Variants in SPECC1 observed in about 807,000 individuals in gnomAD.
SPECC1 encodes cytospin-B.
Under a neutral mutation model 104.1 loss-of-function variants are expected in SPECC1, and 62 were observed. The ratio of observed to expected loss-of-function variants is 0.60; its 90% confidence interval spans 0.49 to 0.74. SPECC1 has a LOEUF of 0.74. Among genes scored for constraint, SPECC1 ranks in the 30% least tolerant of loss-of-function variants. The pLI, the probability that SPECC1 is intolerant of heterozygous loss-of-function variation, is 0.00. For missense variants in SPECC1, 1,306 were observed against 1,310.5 expected, an observed-to-expected ratio of 1.00 and a Z score of 0.05; for synonymous variants, 513 against 501.6, an observed-to-expected ratio of 1.02 and a Z score of -0.30.
At chr17:20,276,260 G>A (rs922742805) in intron 12 of SPECC1, among the ~76,000 whole-genome samples, 1 of 151,918 alleles carries the variant, frequency 6.6e-6, no homozygotes, top group African/African-American at 2.4e-5. Flanking sequence ...GGGTCTACAG[G>A]TACATGACAC....
chr17:20,014,395 T>C (rs1294038399), intron 1 of SPECC1, among the ~76,000 whole-genome samples: 1 of 152,250 alleles, frequency 6.6e-6, no homozygotes, highest in Non-Finnish European at 1.5e-5. Context: ...TTAGGTAAAC[T>C]GTAAATTTTT....
At chr17:20,230,958 T>C (rs2038535967) in intron 5 of SPECC1, among the ~76,000 whole-genome samples, 1 of 152,220 alleles carries the variant, frequency 6.6e-6, no homozygotes, top group Non-Finnish European at 1.5e-5. Context: ...TTTAGCCTAC[T>C]CTGGTGATTC....
intron 12 of SPECC1, among the ~76,000 whole-genome samples, chr17:20,260,872 G>A (rs1343785979): frequency 3.3e-5 from 5 of 152,128 alleles, no homozygotes; most frequent in Admixed American, 3.3e-4. Context: ...GGCGACGGTT[G>A]TCTTGAGTCA....
intron 1 of SPECC1, among the ~76,000 whole-genome samples, chr17:20,026,687 G>A (rs1275784902): frequency 6.6e-6 from 1 of 152,072 alleles, no homozygotes; most frequent in East Asian, 1.9e-4. Flanking sequence ...TTCATCTGTT[G>A]ATGCACATTT....
In SPECC1 at chr17:20,302,285, A is replaced by G. The variant is rs538254888; in HGVS notation, c.3058-3738A>G. 2.7e-4 allele frequency among the ~76,000 whole-genome samples: 41 copies of G among 152,306 alleles called. No individual in the cohort carries two copies. The East Asian group carries it at 8.0e-3, about 30-fold the overall frequency. On this transcript the variant is annotated intron_variant, in intron 13 of 14. Coordinates refer to ENST00000395527, the MANE Select transcript of SPECC1 (RefSeq NM_001243439.2). ...GCACTTAGGCTGTCCTGGAACTGGA[A>G]GGTCCCAGGCCTGCACCATCATCCC... is the stretch of plus-strand genomic sequence containing the variant.
At chr17:20,208,278 AG>A (rs1342919629) in intron 4 of SPECC1, among the ~76,000 whole-genome samples, 1 of 152,216 alleles carries the variant, frequency 6.6e-6, no homozygotes, top group East Asian at 1.9e-4. Flanking sequence ...GCTATCACAT[AG>A]GGTTTCTTGT....
intron 1 of SPECC1, among the ~76,000 whole-genome samples, chr17:20,023,297 A>G (rs2044467160): frequency 6.6e-6 from 1 of 152,136 alleles, no homozygotes; most frequent in South Asian, 2.1e-4. Context: ...CTTAAGACTT[A>G]ATTTTGTCTT....
rs768858310 is a variant in SPECC1, at chr17:20,231,735, C to T, written c.2072-23C>T. On this transcript the variant is annotated intron_variant, in intron 5 of 14. Transcript: ENST00000395527. ...AAGAGTCTCACAGCTTTTCTAAGCC[C>T]TGTCTGAATTATTTATTTCTAGGTA... 16 of 1,612,056 alleles carry T rather than the reference C, an allele frequency of 9.9e-6. No individual in the cohort carries two copies. The South Asian group carries it at 1.5e-4, about 15-fold the overall frequency.
chr17:20,159,540 C>T (rs1258169946), intron 3 of SPECC1, among the ~76,000 whole-genome samples: 3 of 152,206 alleles, frequency 2.0e-5, no homozygotes, highest in African/African-American at 7.2e-5. Flanking sequence ...TCCTCATCCC[C>T]TCTGGGGTGT....
Position 20,252,801 on chromosome 17 carries a change from C to T in SPECC1, c.2599-704C>T, listed in dbSNP as rs148471127. 2.7e-3 allele frequency among the ~76,000 whole-genome samples: 418 copies of T among 152,266 alleles called. 2 individuals are homozygous for T. Among genetic ancestry groups the T allele is most frequent in the Non-Finnish European group, 3.8e-3 (261 of 68,022 alleles). ...CACTGGGGTTGCTTCCACGTCTTGGCTGTTGTGAATTATGCTGCAATGAGC... is the reference window on the plus strand; with the variant it reads ...CACTGGGGTTGCTTCCACGTCTTGGTTGTTGTGAATTATGCTGCAATGAGC... On this transcript the variant is annotated intron_variant, in intron 9 of 14. Transcript: ENST00000395527.
At chr17:20,141,747 T>C (rs1265887268) in intron 3 of SPECC1, among the ~76,000 whole-genome samples, 1 of 152,152 alleles carries the variant, frequency 6.6e-6, no homozygotes, top group Non-Finnish European at 1.5e-5. Context: ...CACTAATCTG[T>C]TTTTTATCCG....
chr17:20,260,138 A>G, intron 11 of SPECC1, 54 bp from the exon 12 acceptor site: 1 of 1,398,458 alleles, frequency 7.2e-7, no homozygotes, highest in Non-Finnish European at 9.9e-7. Context: ...TGTGTATTTG[A>G]GAATTCTAAG....
chr17:20,146,813 G>A (rs1013415508), intron 3 of SPECC1, among the ~76,000 whole-genome samples: 1 of 152,136 alleles, frequency 6.6e-6, no homozygotes, highest in Non-Finnish European at 1.5e-5. Flanking sequence ...GGCTGAGGCA[G>A]GAGAATTGCT....
At chr17:20,055,126 CTT>C (rs2045913733) in intron 1 of SPECC1, among the ~76,000 whole-genome samples, 1 of 152,158 alleles carries the variant, frequency 6.6e-6, no homozygotes, top group South Asian at 2.1e-4. Flanking sequence ...CCATTGTACT[CTT>C]TGATTCTATG....
chr17:20,259,901 T>C (rs910610823), intron 11 of SPECC1, among the ~76,000 whole-genome samples: 5 of 152,208 alleles, frequency 3.3e-5, no homozygotes, highest in Non-Finnish European at 7.3e-5. Context: ...CAAATGATAC[T>C]GTACTTAAGT....
intron 3 of SPECC1, among the ~76,000 whole-genome samples, chr17:20,122,619 C>T (rs1353404357): frequency 2.0e-5 from 3 of 152,182 alleles, no homozygotes; most frequent in Admixed American, 1.3e-4. Flanking sequence ...ACTCTGTCCC[C>T]ATTAAACACT....
At chr17:20,273,709 C>T (rs1598121608) in intron 12 of SPECC1, among the ~76,000 whole-genome samples, 1 of 152,168 alleles carries the variant, frequency 6.6e-6, no homozygotes, top group Non-Finnish European at 1.5e-5. Context: ...CACCAATTTC[C>T]TGTGTCTTTG....
At chr17:20,287,729 A>G (rs1379927738) in intron 12 of SPECC1, among the ~76,000 whole-genome samples, 1 of 151,276 alleles carries the variant, frequency 6.6e-6, no homozygotes, top group Non-Finnish European at 1.5e-5. Context: ...ATGTCTGAGT[A>G]AGGCCTAAGT....
In SPECC1 at chr17:20,109,776, C is replaced by G. The variant is rs553493644; in HGVS notation, c.148-651C>G. Among the ~76,000 whole-genome samples, 6 of 152,232 alleles carry G rather than the reference C, an allele frequency of 3.9e-5. No individual in the cohort carries two copies. In the South Asian group the frequency reaches 1.2e-3, roughly 32 times the overall value. On this transcript the variant is annotated intron_variant, in intron 2 of 14. Transcript: ENST00000395527. The stretch of plus-strand genomic sequence containing the variant: ...TGGAATTTCTTTTGCATTGCCCTAC[C>G]CTGCCTTTTGTGCATCTCCCAGTTC...
Sources: allele counts gnomAD v4.1 joint callset (sites outside exome capture counted in the v4.1 genomes callset), GRCh38; gene constraint gnomAD v4.1.1; transcripts MANE v1.5; gene names NCBI Gene and HGNC (gene_info 2026-07-23, HGNC 2026-07-21).